ELAC2: variants seen among roughly 807,000 people sequenced by gnomAD.
ELAC2 encodes the protein zinc phosphodiesterase ELAC protein 2.
ELAC2 carries 92 observed loss-of-function variants against 105.2 expected under a neutral mutation model. The ratio of observed to expected loss-of-function variants is 0.87; its 90% confidence interval spans 0.74 to 1.04. The LOEUF (loss-of-function observed/expected upper bound fraction) is 1.04, where lower values mean the gene tolerates loss of function less well. ELAC2 is among the 50% of genes least tolerant of loss of function. ELAC2 has a pLI of 0.00. For synonymous variants in ELAC2, 468 were observed against 409.1 expected, an observed-to-expected ratio of 1.14 and a Z score of -1.74; for missense variants, 1,099 against 1,071.7, an observed-to-expected ratio of 1.03 and a Z score of -0.36.
At chr17:13,017,171 C>G (rs1272896220) in intron 1 of ELAC2, 50 bp from the exon 2 acceptor site, 4 of 1,455,116 alleles carry the variant, frequency 2.7e-6, no homozygotes, top group African/African-American at 1.4e-5. Flanking sequence ...ATTCTGTAAA[C>G]TCTCTGACAC....
chr17:13,002,456 G>A lies in ELAC2; in HGVS notation c.1203C>T (p.Thr401=), dbSNP rs1262969129. The A allele has an allele frequency of 6.2e-7, 1 of 1,611,792 alleles. No individual in the cohort carries two copies. Among genetic ancestry groups the A allele is most frequent in the Non-Finnish European group, 8.5e-7 (1 of 1,178,926 alleles). The part of the protein sequence containing the change: ...LIHPDIFPLL[T]SFRCKKEGPT... ...GAGACACTACCTTACAGCGGAAACT[G>A]GTGAGCAGGGGGAAGATGTCCGGGT... The change falls in exon 13 of 24, where the codon ACC becomes ACT. Residue 401 remains threonine, a synonymous_variant. Coordinates refer to ENST00000338034, the MANE Select transcript of ELAC2 (RefSeq NM_018127.7).
At position 12,993,831 on chromosome 17, in the gene ELAC2, G is replaced by A; in HGVS notation, c.2109C>T (p.Ser703=). ...LEEEAVEKTH[S]TTSQAISVGM... ...CCACGCTGATGGCTTGGGACGTTGT[G>A]CTGCAGGTGAAGGACAGAGCAGACT... Residue 703 remains serine (S), a splice_region_variant and synonymous_variant, in exon 23 of 24, where the codon AGC becomes AGT. Transcript: ENST00000338034. 6.2e-7 allele frequency: 1 copy of A among 1,614,174 alleles called. No homozygotes were observed. The highest frequency in any genetic ancestry group is 8.5e-7 in the Non-Finnish European group (1 of 1,180,026).
rs948810469 is a variant in ELAC2 at position 12,994,589 on chromosome 17, C to G, written c.2030-86G>C. The G allele has an allele frequency of 8.1e-6, 13 of 1,596,552 alleles. No homozygotes were observed. The African/African-American group carries it at 1.6e-4, about 20-fold the overall frequency. The stretch of plus-strand genomic sequence containing the variant: ...GTCACGTGCTGTTTCCTGGTCTCAA[C>G]ACTCAGCTCCCCTGGCCCTGGGTCT... On this transcript the variant is annotated intron_variant, in intron 21 of 23. Coordinates refer to ENST00000338034, the MANE Select transcript of ELAC2 (RefSeq NM_018127.7).
intron 3 of ELAC2, among the ~76,000 whole-genome samples, chr17:13,016,413 GGT>G (rs1366269092): frequency 6.6e-6 from 1 of 152,168 alleles, no homozygotes; most frequent in African/African-American, 2.4e-5. Context: ...ACACTTAAGA[GGT>G]GGTATCCATA....
chr17:13,008,861 A>G (rs754533162), intron 8 of ELAC2, among the ~76,000 whole-genome samples: 28 of 152,172 alleles, frequency 1.8e-4, no homozygotes, highest in Admixed American at 2.6e-4. Context: ...GGAGCCGCAG[A>G]AGACAGCAAG....
At chr17:13,011,560 C>T in intron 7 of ELAC2, 103 bp downstream of exon 7, 1 of 1,583,118 alleles carries the variant, frequency 6.3e-7, no homozygotes, top group Non-Finnish European at 8.7e-7. Context: ...GATCTGTTTA[C>T]ACACCTGGCT....
chr17:12,994,943 C>T lies in ELAC2; in HGVS notation c.1908+20G>A, dbSNP rs759372770. 8.1e-6 allele frequency: 13 copies of T among 1,614,064 alleles called. No homozygotes were observed. The highest frequency in any genetic ancestry group is 1.6e-4 in the Middle Eastern group (1 of 6,084). On this transcript the variant is annotated intron_variant, in intron 20 of 23. Transcript: ENST00000338034. Reference sequence around the variant, plus strand: ...TGCTCCCCACCTCGCCCCCATGATGCCTGCGGCTGTGCCCCTTACCTCTTC... The same window carrying T: ...TGCTCCCCACCTCGCCCCCATGATGTCTGCGGCTGTGCCCCTTACCTCTTC...
At chr17:12,996,122 GGCCGAGCCCCCTGCGC>G in intron 17 of ELAC2, 144 bp from the exon 18 acceptor site, 1 of 897,082 alleles carries the variant, frequency 1.1e-6, no homozygotes, top group South Asian at 1.4e-5. Context: ...GGGTGGCACA[GGCCGAGCCCCCTGCGC>G]CATGGCCCTG....
rs750475807 is a variant in ELAC2, at chr17:13,011,782, C to G, written c.560G>C (p.Ser187Thr). 47 of 1,614,138 alleles carry G rather than the reference C, an allele frequency of 2.9e-5. 1 individual carries two copies. In the South Asian group the frequency reaches 5.2e-4, roughly 18 times the overall value. Reference protein sequence around the residue: ...TMTVYQIPIHSEQRRGKHQPW... With the variant: ...TMTVYQIPIHTEQRRGKHQPW... The stretch of plus-strand genomic sequence containing the variant: ...TTGGTGCTTTCCCCTCCTCTGTTCA[C>G]CTGGTCAGTACAGATACCACCAAAT... Residue 187 changes from serine to threonine, a missense_variant and splice_region_variant, in exon 7 of 24, where the codon AGT becomes ACT. Physicochemically the swap from Ser to Thr is moderately conservative, Grantham distance 58. Coordinates refer to ENST00000338034, the MANE Select transcript of ELAC2 (RefSeq NM_018127.7).
Position 13,017,810 on chromosome 17 carries a change from G to A in ELAC2, c.138C>T (p.Arg46=), listed in dbSNP as rs753762247. 3 of 1,602,662 alleles carry A rather than the reference G, an allele frequency of 1.9e-6. No homozygotes were observed. The highest frequency in any genetic ancestry group is 1.1e-5 in the South Asian group (1 of 89,744). Residue 46 remains arginine (R), a synonymous_variant, in exon 1 of 24, where the codon CGC becomes CGT. Transcript: ENST00000338034. The part of the protein sequence containing the change: ...PLRHLRTREK[R]GPSGCSGGPN... The stretch of plus-strand genomic sequence containing the variant: ...GGCCGCCGGAGCACCCCGACGGTCC[G>A]CGCTTCTCTCGCGTGCGCAGGTGCC...
At position 13,005,810 on chromosome 17, in the gene ELAC2, G is replaced by A. The variant is rs750254682; in HGVS notation, c.813C>T (p.Ile271=). 1.9e-6 allele frequency: 3 copies of A among 1,614,028 alleles called. No individual in the cohort carries two copies. The highest frequency in any genetic ancestry group is 2.2e-5 in the East Asian group (1 of 44,882). ...CCTTGACAGCAGCAATGATGGGAGC[G>A]ATGGCAGCTGTCCCACTGAAATGAA... ...EMGLPVGTAA[I]APIIAAVKDG... The change falls in exon 10 of 24, where the codon ATC becomes ATT. Residue 271 remains isoleucine (I), a synonymous_variant. Transcript: ENST00000338034.
At chr17:13,000,459 G>A (rs1247962305) in intron 14 of ELAC2, 185 bp from the exon 15 acceptor site, 5 of 655,466 alleles carry the variant, frequency 7.6e-6, no homozygotes, top group Admixed American at 4.3e-5. Context: ...ATGCTGCATC[G>A]CTCTGCCTCA....
chr17:13,017,388 C>T (rs1366113119), intron 1 of ELAC2: 7 of 627,444 alleles, frequency 1.1e-5, no homozygotes, highest in Non-Finnish European at 5.5e-6. Flanking sequence ...CTGTCCACCC[C>T]ACACGCTAAC....
In ELAC2 at chr17:12,994,873, A is replaced by G. The variant is rs753389017; in HGVS notation, c.1920T>C (p.Cys640=). The change falls in exon 21 of 24, where the codon TGT becomes TGC. Residue 640 remains cysteine (C), a synonymous_variant. Transcript: ENST00000338034. ...ACGCATGCTTGCAGTGCCGCACCAG[A>G]CAGGTCTGAAACTGAAAGGGTGGGG... ...RTCDLEEFQT[C]LVRHCKHAFG... is the part of the protein sequence containing the mutation. The G allele has an allele frequency of 8.7e-6, 14 of 1,613,934 alleles. No homozygotes were observed. The highest frequency in any genetic ancestry group is 1.2e-5 in the Non-Finnish European group (14 of 1,180,028).
intron 16 of ELAC2, among the ~76,000 whole-genome samples, chr17:12,997,723 T>A (rs1006854018): frequency 1.3e-5 from 2 of 152,192 alleles, no homozygotes; most frequent in African/African-American, 2.4e-5. Flanking sequence ...CATCCACCAC[T>A]AGCATGTAAG....
Position 13,012,207 on chromosome 17 carries a change from C to T in ELAC2, c.560-425G>A, listed in dbSNP as rs182755943. Reference sequence around the variant, plus strand: ...AAAGCACAGCTGCAACGAGAATGAACGTAAGTTCACTCACTGAGGGCCGCT... The same window carrying T: ...AAAGCACAGCTGCAACGAGAATGAATGTAAGTTCACTCACTGAGGGCCGCT... On this transcript the variant is annotated intron_variant, in intron 6 of 23. Coordinates refer to ENST00000338034, the MANE Select transcript of ELAC2 (RefSeq NM_018127.7). Among the ~76,000 whole-genome samples, 490 of 152,286 alleles carry T rather than the reference C, an allele frequency of 3.2e-3. 14 individuals are homozygous for T. In the South Asian group the frequency reaches 0.075, roughly 23 times the overall value.
At position 13,017,985 on chromosome 17, in the gene ELAC2, A is replaced by C; in HGVS notation, c.-38T>G. The C allele has an allele frequency of 5.9e-6, 9 of 1,534,114 alleles. No homozygotes were observed. The highest frequency in any genetic ancestry group is 7.8e-6 in the Non-Finnish European group (9 of 1,146,578). Reference sequence around the variant, plus strand: ...ACCAAAACTGAGAAAGCCGCCGGTCACCTACGCCCGCGTTTCCCGTGCACC... The same window carrying C: ...ACCAAAACTGAGAAAGCCGCCGGTCCCCTACGCCCGCGTTTCCCGTGCACC... On this transcript the variant is annotated 5_prime_UTR_variant, in exon 1 of 24. Transcript: ENST00000338034.
At position 13,003,541 on chromosome 17, in the gene ELAC2, C is replaced by G. The variant is rs776864942; in HGVS notation, c.1017G>C (p.Leu339Phe). The change falls in exon 12 of 24, where the codon TTG (leucine) becomes TTC (phenylalanine). Residue 339 changes from leucine to phenylalanine, a missense_variant. Physicochemically the swap from Leu to Phe is conservative, Grantham distance 22 (BLOSUM62 0). Transcript: ENST00000338034. ...YQGKADAPVA[L>F]VVHMAPASVL... ...CAGATGCTGGGGCCATGTGAACCAC[C>G]AAGGCCACGGGGGCATCTGCCTTTC... is the stretch of plus-strand genomic sequence containing the variant. The G allele has an allele frequency of 1.2e-6, 2 of 1,614,224 alleles. No individual in the cohort carries two copies.
chr17:13,009,737 T>C (rs536173824), intron 8 of ELAC2, among the ~76,000 whole-genome samples: 6 of 152,236 alleles, frequency 3.9e-5, no homozygotes, highest in Admixed American at 3.9e-4. Context: ...ACGCCTGTAA[T>C]CCCAGCATTT....
Sources: allele counts gnomAD v4.1 joint callset (sites outside exome capture counted in the v4.1 genomes callset), GRCh38; gene constraint gnomAD v4.1.1; transcripts MANE v1.5; gene names NCBI Gene and HGNC (gene_info 2026-07-23, HGNC 2026-07-21).